Variants in PLXNB1 observed in about 807,000 individuals in gnomAD.
The protein encoded by PLXNB1 is plexin-B1.
PLXNB1 carries 106 observed loss-of-function variants against 209.4 expected under a neutral mutation model. The observed-to-expected ratio is 0.51, with a 90% CI of 0.43 to 0.59. PLXNB1 has a LOEUF of 0.59. PLXNB1 is among the 20% of genes least tolerant of loss of function. PLXNB1 has a pLI of 0.00. For missense variants in PLXNB1, 2,357 were observed against 2,853.2 expected (o/e 0.83, Z 3.96); for synonymous variants, 1,167 against 1,183.2 (o/e 0.99, Z 0.28).
At position 48,420,203 on chromosome 3, in the gene PLXNB1, G is replaced by A; in HGVS notation, c.2083C>T (p.Pro695Ser). Residue 695 changes from proline (P) to serine (S), a missense_variant, in exon 11 of 38, where the codon CCC becomes TCC. This residue lies in a region of PLXNB1 where 410 missense variants were observed against 401.0 expected (regional missense o/e 1.02). Coordinates refer to ENST00000296440, the MANE Select transcript of PLXNB1 (RefSeq NM_001130082.3). The stretch of plus-strand genomic sequence containing the variant: ...GTGGCCAGGGCTTTGGGGGCTGTGG[G>A]TGGGGAGGGGCTGGGTCCACCTCTT... ...PARGGPSPSP[P>S]TAPKALATPA... is the part of the protein sequence containing the mutation. 3 of 1,559,636 alleles carry A rather than the reference G, an allele frequency of 1.9e-6. No homozygotes were observed. Among genetic ancestry groups the A allele is most frequent in the South Asian group, 1.2e-5 (1 of 85,104 alleles).
intron 4 of PLXNB1, 126 bp downstream of exon 4, chr3:48,422,639 G>C (rs531512510): frequency 1.6e-6 from 2 of 1,249,496 alleles, no homozygotes; most frequent in South Asian, 3.0e-5. Context: ...CCCAGTCCTG[G>C]GGAGAGGAGC....
At position 48,410,134 on chromosome 3, in the gene PLXNB1, CT is replaced by C. The variant is rs1222426431; in HGVS notation, c.5606-58del. 20 of 1,518,776 alleles carry C rather than the reference CT, an allele frequency of 1.3e-5. No individual in the cohort carries two copies. The African/African-American group carries it at 2.7e-4, about 20-fold the overall frequency. The allele number at this position is 1,518,776 out of a possible 1,614,324, so 94.1% of individuals were successfully genotyped here. A position where few individuals can be genotyped will look rare whatever the true frequency, so the allele number is the denominator to read the frequency against. On this transcript the variant is annotated intron_variant, in intron 31 of 37. Coordinates refer to ENST00000296440, the MANE Select transcript of PLXNB1 (RefSeq NM_001130082.3). The surrounding 1 kb of genome is among the most constrained non-coding windows in gnomAD (Gnocchi z 6.4). ...CCCAGGTGCCACCTCCCCAGGCCCCCTGTTTCTTGCCAGCTCTCCCAGGGGT... is the reference window on the plus strand; with the variant it reads ...CCCAGGTGCCACCTCCCCAGGCCCCCGTTTCTTGCCAGCTCTCCCAGGGGT...
intron 5 of PLXNB1, 28 bp downstream of exon 5, chr3:48,422,303 C>A: frequency 6.2e-7 from 1 of 1,610,470 alleles, no homozygotes; most frequent in Non-Finnish European, 8.5e-7. Flanking sequence ...TCCCAGCAGC[C>A]ATGCCCTGGC....
chr3:48,426,668 C>G (rs1010092723), intron 1 of PLXNB1, among the ~76,000 whole-genome samples: 1 of 152,212 alleles, frequency 6.6e-6, no homozygotes, highest in Non-Finnish European at 1.5e-5. Context: ...TGGTCACAGC[C>G]TGGCTGGGCA....
rs187087455 is a variant in PLXNB1 at position 48,421,519 on chromosome 3, G to A, written c.1654-135C>T. The A allele has an allele frequency of 7.7e-5, 94 of 1,224,170 alleles. No individual in the cohort carries two copies. In the African/African-American group the frequency reaches 1.3e-3, roughly 17 times the overall value. 75.8% of individuals were successfully genotyped at this position (1,224,170 alleles called of 1,614,324 possible). On this transcript the variant is annotated intron_variant, in intron 7 of 37. Coordinates refer to ENST00000296440, the MANE Select transcript of PLXNB1 (RefSeq NM_001130082.3). ...CCTCCCCAAACACCCTCTGGCCTGA[G>A]TTAGAAATAGATGGGGAAACTGAGC... is the stretch of plus-strand genomic sequence containing the variant.
chr3:48,418,494 G>A lies in PLXNB1; in HGVS notation c.3004C>T (p.Arg1002Cys), dbSNP rs775508033. The A allele has an allele frequency of 1.4e-5, 22 of 1,612,132 alleles. 1 individual carries two copies. In the Middle Eastern group the frequency reaches 1.3e-3, roughly 97 times the overall value. The change falls in exon 14 of 38, where the codon CGT becomes TGT. Residue 1002 changes from arginine (R) to cysteine (C), a missense_variant. Arg to Cys is a radical substitution (Grantham distance 180, BLOSUM62 -3). Transcript: ENST00000296440. This position sits in a 1 kb window ranked among gnomAD's most constrained non-coding sequence, Gnocchi z 6.6. ...TCCACACGCAGACGGCCGGCCCGAC[G>A]CAGAAACAGCCCCACACGGAGCTCC... The part of the protein sequence containing the change: ...QPELRVGLFL[R>C]RAGRLRVDSA...
rs1403107635 is a variant in PLXNB1 at position 48,429,092 on chromosome 3, C to A, written c.-60+916G>T. Reference sequence around the variant, plus strand: ...CCCAATCGCGTTCCAGGCGGAGTCGCCAGAGTTTCCCTTCGCGCGGAGAAG... The same window carrying A: ...CCCAATCGCGTTCCAGGCGGAGTCGACAGAGTTTCCCTTCGCGCGGAGAAG... On this transcript the variant is annotated intron_variant, in intron 1 of 37. Coordinates refer to ENST00000296440, the MANE Select transcript of PLXNB1 (RefSeq NM_001130082.3). This position sits in a 1 kb window ranked among gnomAD's most constrained non-coding sequence, Gnocchi z 6.4. Among the ~76,000 whole-genome samples the A allele has an allele frequency of 2.0e-5, 3 of 152,208 alleles. No individual in the cohort carries two copies. Among genetic ancestry groups the A allele is most frequent in the Non-Finnish European group, 4.4e-5 (3 of 68,036 alleles).
At chr3:48,404,973 G>A (rs1531317) in intron 37 of PLXNB1, among the ~76,000 whole-genome samples, 2,011 of 152,294 alleles carry the variant, frequency 0.013, 40 homozygotes, top group African/African-American at 0.045. Context: ...AACAGACACT[G>A]ATCAAACACG....
chr3:48,422,553 A>C (rs2038603071), intron 4 of PLXNB1, 94 bp from the exon 5 acceptor site: 2 of 1,427,924 alleles, frequency 1.4e-6, no homozygotes, highest in Admixed American at 2.6e-5. Context: ...ATTTACAAAT[A>C]GAATTTCCTC....
rs1250346767 is a variant in PLXNB1, at chr3:48,415,532, T to C, written c.3794+51A>G. 1.3e-6 allele frequency: 2 copies of C among 1,508,262 alleles called. No individual in the cohort carries two copies. Among genetic ancestry groups the C allele is most frequent in the Non-Finnish European group, 1.8e-6 (2 of 1,115,430 alleles). The allele number at this position is 1,508,262 out of a possible 1,614,324, so 93.4% of individuals were successfully genotyped here. ...CCTACAAACCCCCACATAGTGGAGCTGCAAAGACCTCCCTGCCACCTGCCA... is the reference window on the plus strand; with the variant it reads ...CCTACAAACCCCCACATAGTGGAGCCGCAAAGACCTCCCTGCCACCTGCCA... On this transcript the variant is annotated intron_variant, in intron 19 of 37. Transcript: ENST00000296440. The surrounding 1 kb of genome is among the most constrained non-coding windows in gnomAD (Gnocchi z 5.0).
chr3:48,412,532 T>G lies in PLXNB1; in HGVS notation c.4943A>C (p.Lys1648Thr), dbSNP rs1195643991. 5 of 1,613,532 alleles carry G rather than the reference T, an allele frequency of 3.1e-6. No individual in the cohort carries two copies. The highest frequency in any genetic ancestry group is 4.2e-6 in the Non-Finnish European group (5 of 1,180,056). ...GAGGATGTCAGTGAAATACTCAAGC[T>G]TCCCATGCAGTGCCACGGTGAGCAG... ...ASLLTVALHGKLEYFTDILRT... is the reference protein window; with the variant it reads ...ASLLTVALHGTLEYFTDILRT... The change falls in exon 26 of 38, where the codon AAG (lysine) becomes ACG (threonine). Residue 1648 changes from lysine to threonine, a missense_variant. Around this residue, in one of 7 missense-constraint regions of PLXNB1, gnomAD observed 65 missense variants for 127.6 expected, o/e 0.51. Transcript: ENST00000296440.
chr3:48,407,713 G>A (rs2037397699), intron 34 of PLXNB1, among the ~76,000 whole-genome samples: 1 of 152,226 alleles, frequency 6.6e-6, no homozygotes, highest in African/African-American at 2.4e-5. Context: ...CAGCTCCTCT[G>A]TCAACCTGAG....
intron 34 of PLXNB1, 49 bp from the exon 35 acceptor site, chr3:48,407,140 G>C: frequency 3.3e-6 from 5 of 1,537,274 alleles, no homozygotes; most frequent in Non-Finnish European, 4.5e-6. Flanking sequence ...AAGGATGAGG[G>C]TCCCTGTTCG....
Position 48,411,009 on chromosome 3 carries a change from G to A in PLXNB1, c.5275C>T (p.Pro1759Ser), listed in dbSNP as rs764474142. 3 of 1,613,556 alleles carry A rather than the reference G, an allele frequency of 1.9e-6. No individual in the cohort carries two copies. The South Asian group carries it at 3.3e-5, about 18-fold the overall frequency. Residue 1759 changes from proline to serine, a missense_variant, in exon 29 of 38, where the codon CCT (proline) becomes TCT (serine). Pro to Ser is a moderately conservative substitution (Grantham distance 74). Transcript: ENST00000296440. This position sits in a 1 kb window ranked among gnomAD's most constrained non-coding sequence, Gnocchi z 4.0. ...ACGCCCTGGGCCTCTCCTGCCCCAGGCCCCACAGCCAATAGTGCATTCAAG... is the reference window on the plus strand; with the variant it reads ...ACGCCCTGGGCCTCTCCTGCCCCAGACCCCACAGCCAATAGTGCATTCAAG... ...LTLNALLAVGPGAGEAQGVPV... is the reference protein window; with the variant it reads ...LTLNALLAVGSGAGEAQGVPV...
rs1424656055 is a variant in PLXNB1 at position 48,420,671 on chromosome 3, G to A, written c.2022C>T (p.Ser674=). Residue 674 remains serine (S), a synonymous_variant, in exon 10 of 38, where the codon AGC becomes AGT. Transcript: ENST00000296440. ...AGCCCAAAGTCACACTCACCTGATG[G>A]CTTGCAACCATGGGCCCAGCATCAC... ...ASCDAGPMVA[S]HQSPLVSPDP... 1 of 1,613,084 alleles carries A rather than the reference G, an allele frequency of 6.2e-7. No individual in the cohort carries two copies. Among genetic ancestry groups the A allele is most frequent in the Non-Finnish European group, 8.5e-7 (1 of 1,179,498 alleles).
In PLXNB1 at chr3:48,411,704, A is replaced by G. The variant is rs529854719; in HGVS notation, c.5247+159T>C. Among the ~76,000 whole-genome samples the G allele has an allele frequency of 6.6e-6, 1 of 152,282 alleles. No homozygotes were observed. The highest frequency in any genetic ancestry group is 2.4e-5 in the African/African-American group (1 of 41,556). On this transcript the variant is annotated intron_variant, in intron 28 of 37. Coordinates refer to ENST00000296440, the MANE Select transcript of PLXNB1 (RefSeq NM_001130082.3). The surrounding 1 kb of genome is among the most constrained non-coding windows in gnomAD (Gnocchi z 4.0). Reference sequence around the variant, plus strand: ...CCCTAAACTGCTATCCTGCTAAGCTAGTCTGATGGGCTCTCTCCAGGAGCC... The same window carrying G: ...CCCTAAACTGCTATCCTGCTAAGCTGGTCTGATGGGCTCTCTCCAGGAGCC...
rs919414753 is a variant in PLXNB1 at position 48,410,178 on chromosome 3, G to C, written c.5606-101C>G. On this transcript the variant is annotated intron_variant, in intron 31 of 37. Transcript: ENST00000296440. This position sits in a 1 kb window ranked among gnomAD's most constrained non-coding sequence, Gnocchi z 6.4. The stretch of plus-strand genomic sequence containing the variant: ...CCAGGGGTGGGGGCACCTGGTTGAG[G>C]GATTTCCTGGGCCGAATGGAAATAG... 3.0e-5 allele frequency: 44 copies of C among 1,463,632 alleles called. No individual in the cohort carries two copies. Among genetic ancestry groups the C allele is most frequent in the Admixed American group, 6.6e-5 (3 of 45,528 alleles). 90.7% of individuals were successfully genotyped at this position (1,463,632 alleles called of 1,614,324 possible). A position where few individuals can be genotyped will look rare whatever the true frequency, so the allele number is the denominator to read the frequency against.
Position 48,405,875 on chromosome 3 carries a change from G to A in PLXNB1, c.6229-77C>T. The A allele has an allele frequency of 5.1e-6, 6 of 1,167,144 alleles. No individual in the cohort carries two copies. The highest frequency in any genetic ancestry group is 1.5e-5 in the African/African-American group (1 of 66,690). 72.3% of individuals were successfully genotyped at this position (1,167,144 alleles called of 1,614,324 possible). On this transcript the variant is annotated intron_variant, in intron 36 of 37. Transcript: ENST00000296440. The surrounding 1 kb of genome is among the most constrained non-coding windows in gnomAD (Gnocchi z 5.0). ...ACAGGAGGCAGCCCAGGACCCCAGG[G>A]AAGGGCTGGGGGAGAAGGGGACCTG...
At position 48,420,719 on chromosome 3, in the gene PLXNB1, G is replaced by A. The variant is rs200207849; in HGVS notation, c.1974C>T (p.His658=). ...CACACGAGGCCTTGTGGGTGCACAG[G>A]TGCTGCCAGACACACCAGTTACACC... ...RWGCNWCVWQ[H]LCTHKASCDA... The change falls in exon 10 of 38, where the codon CAC becomes CAT. Residue 658 remains histidine, a synonymous_variant. Transcript: ENST00000296440. 1.9e-6 allele frequency: 3 copies of A among 1,614,120 alleles called. No homozygotes were observed. Among genetic ancestry groups the A allele is most frequent in the East Asian group, 4.5e-5 (2 of 44,878 alleles).
Sources: gnomAD v4.1 joint callset for allele counts (sites outside exome capture counted in the v4.1 genomes callset) on GRCh38, gnomAD v4.1.1 for gene constraint, gnomAD v4.1.1 regional missense constraint, Gnocchi (gnomAD v3.1) non-coding constraint, MANE v1.5 for transcripts, NCBI Gene and HGNC (gene_info 2026-07-23, HGNC 2026-07-21) for gene names.